NPM1: variants seen among roughly 807,000 people sequenced by gnomAD.
NPM1 encodes nucleophosmin.
Under a neutral mutation model 44.1 loss-of-function variants are expected in NPM1, and 1 was observed. The observed-to-expected ratio is 0.02, with a 90% CI of 0.01 to 0.11. The LOEUF (loss-of-function observed/expected upper bound fraction) is 0.11, where lower values mean the gene tolerates loss of function less well. Among genes scored for constraint, NPM1 ranks in the 10% least tolerant of loss-of-function variants. The probability of loss-of-function intolerance (pLI) is 1.00; values close to 1 mark genes in which losing one functional copy is unlikely to be tolerated. For missense variants in NPM1, 197 were observed against 347.8 expected (o/e 0.57, Z 3.45); for synonymous variants, 126 against 111.8 (o/e 1.13, Z -0.80).
chr5:171,399,805 C>T (rs1160159057), intron 6 of NPM1, among the ~76,000 whole-genome samples: 1 of 152,090 alleles, frequency 6.6e-6, no homozygotes, highest in East Asian at 1.9e-4. Flanking sequence ...CATTGAGCAA[C>T]TTCATTTCCC....
At chr5:171,402,053 CTTT>C (rs34648553) in intron 8 of NPM1, among the ~76,000 whole-genome samples, 17 of 133,588 alleles carry the variant, frequency 1.3e-4, no homozygotes, top group African/African-American at 2.5e-4. Context: ...TTCTGATTTC[CTTT>C]TTTTTTTTTT....
rs772365842 is a variant in NPM1 at position 171,387,967 on chromosome 5, A to G, written c.19A>G (p.Met7Val). The G allele has an allele frequency of 1.4e-5, 23 of 1,590,404 alleles. No individual in the cohort carries two copies. Among genetic ancestry groups the G allele is most frequent in the East Asian group, 2.3e-5 (1 of 43,068 alleles). The stretch of plus-strand genomic sequence containing the variant: ...CCACCCGATGGAAGATTCGATGGAC[A>G]TGGACATGAGCCCCCTGAGGCCCCA... MEDSMD[M>V]DMSPLRPQNY... Residue 7 changes from methionine (M) to valine (V), a missense_variant, in exon 1 of 11, where the codon ATG (methionine) becomes GTG (valine). Physicochemically the swap from Met to Val is conservative, Grantham distance 21. Coordinates refer to ENST00000296930, the MANE Select transcript of NPM1 (RefSeq NM_002520.7).
At chr5:171,406,410 T>G in intron 9 of NPM1, 7 of 1,613,174 alleles carry the variant, frequency 4.3e-6, no homozygotes, top group Non-Finnish European at 5.9e-6. Flanking sequence ...CATTGAACAG[T>G]CCTGGGCACT....
Position 171,392,586 on chromosome 5 carries a change from C to CTTTTT in NPM1, c.353-111_353-107dup, listed in dbSNP as rs34475806. On this transcript the variant is annotated intron_variant, in intron 4 of 10. Transcript: ENST00000296930. ...TAAAAAGTTCCTTTTCCCATGTGCT[C>CTTTTT]TTTTTTTTTTTTTTTTTAAATAGAA... 5.1e-5 allele frequency: 23 copies of CTTTTT among 451,228 alleles called. No homozygotes were observed. The East Asian group carries it at 8.1e-4, about 16-fold the overall frequency. 28.0% of individuals were successfully genotyped at this position (451,228 alleles called of 1,614,324 possible).
At chr5:171,401,863 GGTGTATT>G (rs879460352) in intron 8 of NPM1, among the ~76,000 whole-genome samples, 3 of 152,030 alleles carry the variant, frequency 2.0e-5, no homozygotes, top group Non-Finnish European at 4.4e-5. Context: ...GCCTAGACAG[GGTGTATT>G]GATCTCATTC....
intron 2 of NPM1, chr5:171,391,030 TGC>T (rs2113164561): frequency 3.9e-6 from 1 of 253,512 alleles, no homozygotes; most frequent in African/African-American, 2.2e-5. Flanking sequence ...CCCTTTCCTA[TGC>T]TTAGATGCAC....
At chr5:171,403,422 G>A (rs1449851121) in intron 8 of NPM1, among the ~76,000 whole-genome samples, 1 of 113,212 alleles carries the variant, frequency 8.8e-6, no homozygotes, top group African/African-American at 3.3e-5. Flanking sequence ...ACACAGACAC[G>A]GCAACCATCC....
chr5:171,408,425 T>G lies in NPM1; in HGVS notation c.846+651T>G, dbSNP rs143615752. ...TCGTGTGGAGAACGGATGCTGCATTTAATGGTCTTTAGGTTTCCTGTGGTC... is the reference window on the plus strand; with the variant it reads ...TCGTGTGGAGAACGGATGCTGCATTGAATGGTCTTTAGGTTTCCTGTGGTC... On this transcript the variant is annotated intron_variant, in intron 10 of 10. Transcript: ENST00000296930. Among the ~76,000 whole-genome samples the G allele has an allele frequency of 3.3e-5, 5 of 152,328 alleles. No homozygotes were observed. In the East Asian group the frequency reaches 9.6e-4, roughly 29 times the overall value.
At chr5:171,390,565 T>G (rs937574196) in intron 2 of NPM1, among the ~76,000 whole-genome samples, 2 of 152,226 alleles carry the variant, frequency 1.3e-5, no homozygotes, top group Non-Finnish European at 2.9e-5. Context: ...AGGACAACAT[T>G]GCACAAATTT....
chr5:171,394,694 A>T (rs1453815892), intron 6 of NPM1, among the ~76,000 whole-genome samples: 1 of 152,188 alleles, frequency 6.6e-6, no homozygotes, highest in East Asian at 1.9e-4. Context: ...CACAAATTAG[A>T]AATAGGGATG....
chr5:171,391,502 T>G, intron 3 of NPM1, 78 bp downstream of exon 3: 1 of 1,552,904 alleles, frequency 6.4e-7, no homozygotes. Flanking sequence ...CATTTAGTTG[T>G]GCCAAGGAGA....
chr5:171,392,861 GT>G (rs770558213), intron 5 of NPM1, 45 bp downstream of exon 5: 1 of 1,613,076 alleles, frequency 6.2e-7, no homozygotes, highest in African/African-American at 1.3e-5. Flanking sequence ...ATAGCTTTTA[GT>G]TTGGTGATAG....
intron 9 of NPM1, chr5:171,406,722 C>T: frequency 2.6e-6 from 3 of 1,163,150 alleles, no homozygotes; most frequent in Non-Finnish European, 3.2e-6. Context: ...TATTTGAATG[C>T]ATCAATTAAG....
intron 6 of NPM1, among the ~76,000 whole-genome samples, chr5:171,399,243 C>G (rs974133996): frequency 6.6e-6 from 1 of 151,556 alleles, no homozygotes; most frequent in Non-Finnish European, 1.5e-5. Context: ...CTTTGGGTCC[C>G]TTAAGTGTCT....
In NPM1 at chr5:171,410,634, G is replaced by A. The variant is rs1771783395; in HGVS notation, c.*69G>A. 1.2e-6 allele frequency: 1 copy of A among 867,556 alleles called. No homozygotes were observed. Among genetic ancestry groups the A allele is most frequent in the South Asian group, 1.6e-5 (1 of 62,244 alleles). The allele number at this position is 867,556 out of a possible 1,614,324, so 53.7% of individuals were successfully genotyped here. On this transcript the variant is annotated 3_prime_UTR_variant, in exon 11 of 11. Transcript: ENST00000296930. ...TCATTTCTGTAACAGTTGATATCTG[G>A]CTGTCCTTTTTATAATGCAGAGTGA... is the stretch of plus-strand genomic sequence containing the variant.
At chr5:171,391,223 A>G (rs2113166223) in intron 2 of NPM1, 82 bp from the exon 3 acceptor site, 2 of 1,486,312 alleles carry the variant, frequency 1.3e-6, no homozygotes, top group Non-Finnish European at 1.8e-6. Context: ...TAAGTGACGC[A>G]TGGCTGCATA....
chr5:171,387,547 G>A (rs967948163), upstream of NPM1: 1 of 222,366 alleles, frequency 4.5e-6, no homozygotes, highest in Admixed American at 5.8e-5. Context: ...GCGCTTGAGC[G>A]GGAGAGGACG....
chr5:171,409,500 G>A (rs1284317528), intron 10 of NPM1, among the ~76,000 whole-genome samples: 1 of 152,122 alleles, frequency 6.6e-6, no homozygotes, highest in Non-Finnish European at 1.5e-5. Flanking sequence ...TGCAGTGAGC[G>A]CCACTGCACT....
intron 1 of NPM1, among the ~76,000 whole-genome samples, chr5:171,388,302 G>T (rs561792581): frequency 6.6e-6 from 1 of 152,210 alleles, no homozygotes; most frequent in Non-Finnish European, 1.5e-5. Flanking sequence ...TTCGGCCTTT[G>T]CCGGGGATAC....
Sources: gnomAD v4.1 joint callset for allele counts (sites outside exome capture counted in the v4.1 genomes callset) on GRCh38, gnomAD v4.1.1 for gene constraint, MANE v1.5 for transcripts, NCBI Gene and HGNC (gene_info 2026-07-23, HGNC 2026-07-21) for gene names.